KCNN2: variants seen among roughly 807,000 people sequenced by gnomAD.
The protein encoded by KCNN2 is potassium calcium-activated channel subfamily N member 2.
Under a neutral mutation model 55.5 loss-of-function variants are expected in KCNN2, and 24 were observed. The ratio of observed to expected loss-of-function variants is 0.43; its 90% CI spans 0.31 to 0.61. The LOEUF (loss-of-function observed/expected upper bound fraction) is 0.61, where lower values mean the gene tolerates loss of function less well. Among genes scored for constraint, KCNN2 ranks in the 20% least tolerant of loss-of-function variants. The pLI is 0.08. For missense variants in KCNN2, 754 were observed against 853.6 expected, an observed-to-expected ratio of 0.88 and a Z score of 1.45; for synonymous variants, 431 against 336.1, an observed-to-expected ratio of 1.28 and a Z score of -3.09.
At chr5:114,166,587 C>T (rs1752917614) in intron 1 of KCNN2, among the ~76,000 whole-genome samples, 1 of 152,100 alleles carries the variant, frequency 6.6e-6, no homozygotes, top group Non-Finnish European at 1.5e-5. Flanking sequence ...TCAAGGAAGT[C>T]ATAAAAGGTG....
At chr5:114,292,098 GTC>G (rs1218355151) in intron 2 of KCNN2, among the ~76,000 whole-genome samples, 2 of 152,176 alleles carry the variant, frequency 1.3e-5, no homozygotes. Context: ...TTAGCCCTTT[GTC>G]AGATGAGTAG....
At chr5:114,487,346 C>T (rs376515846) in intron 6 of KCNN2, among the ~76,000 whole-genome samples, 169 bp downstream of exon 6, 1 of 152,066 alleles carries the variant, frequency 6.6e-6, no homozygotes, top group East Asian at 1.9e-4. Context: ...CTGAGAATAA[C>T]CTCAGTTCCT....
At chr5:114,190,579 CAATA>C (rs1179392359) in intron 1 of KCNN2, among the ~76,000 whole-genome samples, 16 of 152,136 alleles carry the variant, frequency 1.1e-4, no homozygotes, top group Non-Finnish European at 4.4e-5. Flanking sequence ...ACATTTTAAA[CAATA>C]TATAGTATCT....
chr5:114,460,144 C>T (rs1196790959), intron 3 of KCNN2, among the ~76,000 whole-genome samples: 1 of 152,124 alleles, frequency 6.6e-6, no homozygotes, highest in South Asian at 2.1e-4. Flanking sequence ...AAGGTACCCC[C>T]TAGAAATCTT....
chr5:114,453,809 G>T (rs1190784674), intron 3 of KCNN2, among the ~76,000 whole-genome samples: 1 of 151,874 alleles, frequency 6.6e-6, no homozygotes, highest in East Asian at 1.9e-4. Flanking sequence ...TCCTATTAAT[G>T]CAATTTTTTT....
chr5:114,487,301 G>C (rs1230526979), intron 6 of KCNN2, 124 bp downstream of exon 6: 7 of 824,656 alleles, frequency 8.5e-6, no homozygotes, highest in Non-Finnish European at 5.8e-6. Context: ...CCCAGAAGAT[G>C]TTATCTGGCA....
At chr5:114,107,308 C>T (rs1350790900) in intron 1 of KCNN2, among the ~76,000 whole-genome samples, 2 of 151,954 alleles carry the variant, frequency 1.3e-5, no homozygotes, top group Non-Finnish European at 2.9e-5. Context: ...TTACAATAAG[C>T]TTGGTATCTG....
intron 2 of KCNN2, among the ~76,000 whole-genome samples, chr5:114,297,435 A>G (rs911299958): frequency 6.6e-6 from 1 of 152,202 alleles, no homozygotes; most frequent in East Asian, 1.9e-4. Context: ...CTCTTTATTC[A>G]GAGAAAAGAA....
chr5:114,471,828 T>C (rs941808539), intron 4 of KCNN2, among the ~76,000 whole-genome samples: 1 of 152,212 alleles, frequency 6.6e-6, no homozygotes, highest in Non-Finnish European at 1.5e-5. Flanking sequence ...ATGATCATAA[T>C]GATCAGGTCG....
intron 1 of KCNN2, among the ~76,000 whole-genome samples, chr5:114,084,789 G>A (rs977709731): frequency 2.0e-5 from 3 of 151,686 alleles, no homozygotes; most frequent in Non-Finnish European, 2.9e-5. Flanking sequence ...GAAATTTTAC[G>A]GTTTTTGGTT....
chr5:114,435,133 T>TACCCCTC (rs1759960055), intron 3 of KCNN2, among the ~76,000 whole-genome samples: 2 of 142,312 alleles, frequency 1.4e-5, no homozygotes, highest in Admixed American at 6.9e-5. Flanking sequence ...CCTCACCCCT[T>TACCCCTC]ACCCCTCACC....
At chr5:114,220,541 T>A (rs1005071401) in intron 1 of KCNN2, among the ~76,000 whole-genome samples, 20 of 151,930 alleles carry the variant, frequency 1.3e-4, no homozygotes, top group African/African-American at 4.3e-4. Flanking sequence ...GATACAGAAA[T>A]GTTTTTTAAA....
chr5:114,301,052 AT>A (rs10640846), intron 2 of KCNN2, among the ~76,000 whole-genome samples: 15,910 of 150,122 alleles, frequency 0.11, 1,024 homozygotes, highest in Middle Eastern at 0.21. Context: ...TTTATTAAAT[AT>A]TTTTTTTTTA....
rs13162677 is a variant in KCNN2 at position 114,132,031 on chromosome 5, G to A, written c.-271+75531G>A. Among the ~76,000 whole-genome samples the A allele has an allele frequency of 2.3e-3, 344 of 152,082 alleles. 2 individuals are homozygous for A. The highest frequency in any genetic ancestry group is 4.1e-3 in the Non-Finnish European group (277 of 67,956). ...TCCTTGTAGATTCTGGATATTAGAC[G>A]TTTTGTCAGACGGATAGATTGCAAA... On this transcript the variant is annotated intron_variant, in intron 1 of 10. Coordinates refer to the KCNN2 transcript ENST00000512097.
chr5:114,328,000 C>A (rs948599133), intron 2 of KCNN2, among the ~76,000 whole-genome samples: 1 of 152,170 alleles, frequency 6.6e-6, no homozygotes, highest in African/African-American at 2.4e-5. Flanking sequence ...GGCAAGTGGT[C>A]TTTTATATAG....
rs116839921 is a variant in KCNN2, at chr5:114,115,260, T to C, written c.-271+58760T>C. On this transcript the variant is annotated intron_variant, in intron 1 of 10. Coordinates refer to the KCNN2 transcript ENST00000512097. ...GAAAATGTCTAACTTTTCTAATTTA[T>C]GCAAATAATTTTTTCCTTATTAACT... Among the ~76,000 whole-genome samples the C allele has an allele frequency of 5.3e-3, 800 of 152,286 alleles. 9 individuals are homozygous for C. Among genetic ancestry groups the C allele is most frequent in the African/African-American group, 0.018 (756 of 41,574 alleles).
chr5:114,392,863 G>C (rs569897676), intron 2 of KCNN2, among the ~76,000 whole-genome samples: 3 of 150,392 alleles, frequency 2.0e-5, no homozygotes, highest in African/African-American at 7.3e-5. Context: ...AAGGAAGGAG[G>C]CTTTTTTTTT....
intron 3 of KCNN2, among the ~76,000 whole-genome samples, chr5:114,437,503 G>A (rs1264374340): frequency 6.6e-6 from 1 of 152,154 alleles, no homozygotes; most frequent in Non-Finnish European, 1.5e-5. Flanking sequence ...TAAATAAACA[G>A]TGCTCTGCAG....
At chr5:114,406,303 C>G (rs940465547) in intron 3 of KCNN2, among the ~76,000 whole-genome samples, 38 of 141,016 alleles carry the variant, frequency 2.7e-4, no homozygotes, top group Non-Finnish European at 1.0e-4. Flanking sequence ...TGTTTTGGAG[C>G]TATCTATTAA....
Sources: allele counts gnomAD v4.1 joint callset (sites outside exome capture counted in the v4.1 genomes callset), GRCh38; gene constraint gnomAD v4.1.1; transcripts MANE v1.5; gene names NCBI Gene and HGNC (gene_info 2026-07-23, HGNC 2026-07-21).